The following DDHD1 variants were observed in gnomAD, a reference collection of about 807,000 sequenced individuals.
DDHD1 encodes DDHD domain containing 1.
DDHD1 carries 49 observed loss-of-function variants against 96.4 expected under a neutral mutation model. The ratio of observed to expected loss-of-function variants is 0.51; its 90% CI spans 0.40 to 0.64. The LOEUF (loss-of-function observed/expected upper bound fraction) is 0.64, where lower values mean the gene tolerates loss of function less well. DDHD1 is among the 30% of genes least tolerant of loss of function. DDHD1 has a pLI of 0.00. For missense variants in DDHD1, 1,106 were observed against 1,161.2 expected (o/e 0.95, Z 0.69); for synonymous variants, 442 against 446.5 (o/e 0.99, Z 0.13).
intron 4 of DDHD1, among the ~76,000 whole-genome samples, chr14:53,087,787 C>A (rs1310905063): frequency 6.6e-6 from 1 of 152,024 alleles, no homozygotes; most frequent in East Asian, 1.9e-4. Context: ...CAAAATATAG[C>A]AGAAGGCAAG....
chr14:53,126,093 A>G (rs1265792573), intron 1 of DDHD1, among the ~76,000 whole-genome samples: 1 of 152,210 alleles, frequency 6.6e-6, no homozygotes, highest in African/African-American at 2.4e-5. Context: ...TTCAAGTTAT[A>G]TATCACAAAA....
At chr14:53,152,113 G>GAGCAGTA in intron 1 of DDHD1, 148 bp downstream of exon 1, 7 of 833,728 alleles carry the variant, frequency 8.4e-6, no homozygotes, top group South Asian at 1.9e-5. Context: ...AGCTGCCGAC[G>GAGCAGTA]CTCCCTGCTC....
intron 4 of DDHD1, among the ~76,000 whole-genome samples, chr14:53,090,055 T>C (rs1886304289): frequency 6.6e-6 from 1 of 152,160 alleles, no homozygotes; most frequent in Non-Finnish European, 1.5e-5. Context: ...CATCAAAAAG[T>C]AGGCAACGGA....
intron 2 of DDHD1, among the ~76,000 whole-genome samples, chr14:53,098,252 C>G (rs1293275451): frequency 6.6e-6 from 1 of 151,880 alleles, no homozygotes; most frequent in African/African-American, 2.4e-5. Flanking sequence ...TTAGTGCTAA[C>G]ATTTAATAAA....
At chr14:53,072,831 G>T in intron 5 of DDHD1, 128 bp from the exon 6 acceptor site, 1 of 489,774 alleles carries the variant, frequency 2.0e-6, no homozygotes. Flanking sequence ...TTCAAGACCA[G>T]CTTTGGCTCT....
chr14:53,113,468 G>A (rs907205803), intron 1 of DDHD1, among the ~76,000 whole-genome samples: 7 of 148,664 alleles, frequency 4.7e-5, no homozygotes, highest in East Asian at 2.0e-4. Flanking sequence ...CAAGATGGCC[G>A]AATAGGAACA....
intron 11 of DDHD1, chr14:53,053,374 C>A (rs1469696335): frequency 6.6e-6 from 1 of 152,012 alleles, no homozygotes; most frequent in African/African-American, 2.4e-5. Context: ...TCCAGACTTG[C>A]AATTATAAAA....
At position 53,040,938 on chromosome 14, in the gene DDHD1, T is replaced by A. The variant is rs961366406; in HGVS notation, c.*5830A>T. On this transcript the variant is annotated 3_prime_UTR_variant, in exon 13 of 13. Coordinates refer to ENST00000673822, the MANE Select transcript of DDHD1 (RefSeq NM_001160148.2). ...TGTCCCTATGAGCAAAAATTCTCCA[T>A]CTTCTTACTGGCAAAGTTGGGATTA... is the stretch of plus-strand genomic sequence containing the variant. The A allele has an allele frequency of 6.6e-6, 1 of 152,054 alleles. No individual in the cohort carries two copies. Among genetic ancestry groups the A allele is most frequent in the African/African-American group, 2.4e-5 (1 of 41,378 alleles). The allele number at this position is 152,054 out of a possible 1,614,324, so 9.4% of individuals were successfully genotyped here. A position where few individuals can be genotyped will look rare whatever the true frequency, so the allele number is the denominator to read the frequency against.
intron 1 of DDHD1, among the ~76,000 whole-genome samples, chr14:53,140,414 C>T (rs1244086960): frequency 6.6e-6 from 1 of 152,026 alleles, no homozygotes; most frequent in African/African-American, 2.4e-5. Flanking sequence ...GCCTGTAATC[C>T]CAGCTACTTG....
chr14:53,108,465 C>T (rs1372841863), intron 1 of DDHD1, among the ~76,000 whole-genome samples: 2 of 152,168 alleles, frequency 1.3e-5, no homozygotes, highest in African/African-American at 2.4e-5. Flanking sequence ...GGAAGCAGCC[C>T]GCTGCCATCT....
At chr14:53,086,359 C>G (rs185160589) in intron 4 of DDHD1, among the ~76,000 whole-genome samples, 87 of 152,148 alleles carry the variant, frequency 5.7e-4, no homozygotes, top group African/African-American at 2.0e-3. Context: ...GTCAGATTCA[C>G]CAAGGTTGAA....
rs147236191 is a variant in DDHD1, at chr14:53,118,954, C to T, written c.839-15098G>A. ...CACAAAGGAAAGCCCATCAGACTAA[C>T]GGCGGATCTCTTGGCAGAAACTCTA... On this transcript the variant is annotated intron_variant, in intron 1 of 12. Coordinates refer to ENST00000673822, the MANE Select transcript of DDHD1 (RefSeq NM_001160148.2). 1.4e-3 allele frequency among the ~76,000 whole-genome samples: 214 copies of T among 152,298 alleles called. 1 individual carries two copies. The highest frequency in any genetic ancestry group is 4.6e-3 in the African/African-American group (193 of 41,560).
chr14:53,061,177 A>G lies in DDHD1; in HGVS notation c.1791T>C (p.Leu597=), dbSNP rs1883515997. The change falls in exon 8 of 13, where the codon CTT becomes CTC. Residue 597 remains leucine (L), a synonymous_variant. Transcript: ENST00000673822. ...KRRLKEIEER[L]HGLKASSMTQ... is the part of the protein sequence containing the mutation. ...TCATAGATGATGCTTTCAATCCGTG[A>G]AGCCGTTCTTCTATTTCCTTCAGCC... The G allele has an allele frequency of 6.2e-7, 1 of 1,611,656 alleles. No individual in the cohort carries two copies. The highest frequency in any genetic ancestry group is 1.3e-5 in the African/African-American group (1 of 74,886).
rs1881720368 is a variant in DDHD1, at chr14:53,042,382, T to C, written c.*4386A>G. ...TTTAAAATTCCATCATTAATATTTTTTTACTTTACCACTTCCCTCAGTTGT... is the reference window on the plus strand; with the variant it reads ...TTTAAAATTCCATCATTAATATTTTCTTACTTTACCACTTCCCTCAGTTGT... On this transcript the variant is annotated 3_prime_UTR_variant, in exon 13 of 13. Transcript: ENST00000673822. The C allele has an allele frequency of 6.6e-6, 1 of 152,176 alleles. No individual in the cohort carries two copies. The highest frequency in any genetic ancestry group is 2.4e-5 in the African/African-American group (1 of 41,456). The allele number at this position is 152,176 out of a possible 1,614,324, so 9.4% of individuals were successfully genotyped here.
Position 53,152,918 on chromosome 14 carries a change from C to G in DDHD1, c.181G>C (p.Gly61Arg), listed in dbSNP as rs568294049. The change falls in exon 1 of 13, where the codon GGG becomes CGG. Residue 61 changes from glycine to arginine, a missense_variant. Coordinates refer to ENST00000673822, the MANE Select transcript of DDHD1 (RefSeq NM_001160148.2). ...GGCGCCAAATGCAGCCCGGGTTCCC[C>G]GCGCAGCAGGGCCAGGGGCACGTCG... The part of the protein sequence containing the change: ...DGDVPLALLR[G>R]EPGLHLAPGT... 592 of 1,607,458 alleles carry G rather than the reference C, an allele frequency of 3.7e-4. 6 individuals carry two copies. The South Asian group carries it at 6.3e-3, about 17-fold the overall frequency.
intron 2 of DDHD1, among the ~76,000 whole-genome samples, chr14:53,097,444 G>A (rs980935931): frequency 6.6e-6 from 1 of 151,924 alleles, no homozygotes; most frequent in African/African-American, 2.4e-5. Flanking sequence ...GGTAAAAAAT[G>A]ACAACTGATG....
chr14:53,058,125 C>A lies in DDHD1; in HGVS notation c.1992+352G>T, dbSNP rs367625858. On this transcript the variant is annotated intron_variant, in intron 9 of 12. Coordinates refer to ENST00000673822, the MANE Select transcript of DDHD1 (RefSeq NM_001160148.2). ...AGTGCTGGGATTACAGGCATGAGCA[C>A]CACGCCCGGCTTTTTTCTTTTTGTT... Among the ~76,000 whole-genome samples, 5 of 149,594 alleles carry A rather than the reference C, an allele frequency of 3.3e-5. No homozygotes were observed. In the East Asian group the frequency reaches 1.0e-3, roughly 30 times the overall value.
At chr14:53,119,626 C>T (rs778326412) in intron 1 of DDHD1, among the ~76,000 whole-genome samples, 7 of 152,198 alleles carry the variant, frequency 4.6e-5, no homozygotes, top group Non-Finnish European at 1.0e-4. Flanking sequence ...AGCTTCATCC[C>T]TGGGATGCAA....
At chr14:53,066,356 T>C (rs952116253) in intron 6 of DDHD1, among the ~76,000 whole-genome samples, 3 of 152,084 alleles carry the variant, frequency 2.0e-5, no homozygotes, top group South Asian at 2.1e-4. Flanking sequence ...TTCACCATGT[T>C]GGTTGGGCTG....
Sources: gnomAD v4.1 joint callset for allele counts (sites outside exome capture counted in the v4.1 genomes callset) on GRCh38, gnomAD v4.1.1 for gene constraint, MANE v1.5 for transcripts, NCBI Gene and HGNC (gene_info 2026-07-23, HGNC 2026-07-21) for gene names.